Variants in COQ4 observed in about 807,000 individuals in gnomAD.
The protein encoded by COQ4 is coenzyme Q4.
In COQ4, 36 loss-of-function variants were observed where a neutral mutation model predicts 30.2. The observed-to-expected ratio is 1.19, with a 90% CI of 0.91 to 1.57. The LOEUF is 1.57. Ranked by LOEUF, COQ4 falls within the 40% of genes most tolerant of loss-of-function variation. COQ4 has a pLI of 0.00. For missense variants in COQ4, 369 were observed against 371.9 expected (o/e 0.99, Z 0.07); for synonymous variants, 197 against 161.0 (o/e 1.22, Z -1.69).
rs554912978 is a variant in COQ4, at chr9:128,332,410, C to A, written c.532+128C>A. ...CTCAATTTCTGCTTTACCTGAACATCTTAGTAGCATCTTTGCCACATGTCC... is the reference window on the plus strand; with the variant it reads ...CTCAATTTCTGCTTTACCTGAACATATTAGTAGCATCTTTGCCACATGTCC... On this transcript the variant is annotated intron_variant, in intron 5 of 6. Transcript: ENST00000300452. 22 of 990,694 alleles carry A rather than the reference C, an allele frequency of 2.2e-5. 1 individual carries two copies. The East Asian group carries it at 3.9e-4, about 18-fold the overall frequency. The allele number at this position is 990,694 out of a possible 1,614,324, so 61.4% of individuals were successfully genotyped here.
At position 128,322,887 on chromosome 9, in the gene COQ4, G is replaced by A. The variant is rs746608515; in HGVS notation, c.29G>A (p.Arg10His). ...GCGACTCTGCTGCGCCCTGTCCTCC[G>A]TCGGCTCTGCGGGCTCCCGGGCCTA... MATLLRPVL[R>H]RLCGLPGLQR... The change falls in exon 1 of 7, where the codon CGT becomes CAT. Residue 10 changes from arginine to histidine, a missense_variant. Coordinates refer to ENST00000300452, the MANE Select transcript of COQ4 (RefSeq NM_016035.5). The A allele has an allele frequency of 2.5e-6, 4 of 1,588,912 alleles. No homozygotes were observed. In the African/African-American group the frequency reaches 4.0e-5, roughly 16 times the overall value.
At position 128,333,674 on chromosome 9, in the gene COQ4, C is replaced by G. The variant is rs1832453771; in HGVS notation, c.*29C>G. The G allele has an allele frequency of 6.7e-7, 1 of 1,493,426 alleles. No homozygotes were observed. Among genetic ancestry groups the G allele is most frequent in the Non-Finnish European group, 8.9e-7 (1 of 1,126,518 alleles). The allele number at this position is 1,493,426 out of a possible 1,614,324, so 92.5% of individuals were successfully genotyped here. A position where few individuals can be genotyped will look rare whatever the true frequency, so the allele number is the denominator to read the frequency against. ...CCTGAGCCAGCGGGGCCTGGCCTAC[C>G]TCCCCCATCCCCTGCTTCCCTTGGA... On this transcript the variant is annotated 3_prime_UTR_variant, in exon 7 of 7. Transcript: ENST00000300452.
chr9:128,326,100 G>A, intron 4 of COQ4: 1 of 586,570 alleles, frequency 1.7e-6, no homozygotes, highest in Non-Finnish European at 3.0e-6. Context: ...ACCTCGCACT[G>A]CATGCCTGAT....
Position 128,333,827 on chromosome 9 carries a change from TAC to T in COQ4, c.*184_*185del, listed in dbSNP as rs1281169386. 1 of 463,974 alleles carries T rather than the reference TAC, an allele frequency of 2.2e-6. No homozygotes were observed. Among genetic ancestry groups the T allele is most frequent in the African/African-American group, 2.0e-5 (1 of 49,166 alleles). The allele number at this position is 463,974 out of a possible 1,614,324, so 28.7% of individuals were successfully genotyped here. On this transcript the variant is annotated 3_prime_UTR_variant, in exon 7 of 7. Coordinates refer to ENST00000300452, the MANE Select transcript of COQ4 (RefSeq NM_016035.5). Reference sequence around the variant, plus strand: ...GACGAACCCCGCAGGGAGCAAGCAGTACAGTGGCATTCCCAGGGGGACCAGCA... The same window carrying T: ...GACGAACCCCGCAGGGAGCAAGCAGTAGTGGCATTCCCAGGGGGACCAGCA...
intron 4 of COQ4, chr9:128,330,838 CTTTTTTTT>C (rs1301808399): frequency 8.4e-6 from 1 of 119,032 alleles, no homozygotes; most frequent in Non-Finnish European, 1.8e-5. Flanking sequence ...AATCAATTTT[CTTTTTTTT>C]TTTTTTTTTG....
intron 4 of COQ4, among the ~76,000 whole-genome samples, chr9:128,328,606 C>T (rs1419262901): frequency 6.6e-6 from 1 of 152,144 alleles, no homozygotes; most frequent in Non-Finnish European, 1.5e-5. Flanking sequence ...ACAGATGTTC[C>T]CTGGTGGGCA....
Position 128,332,208 on chromosome 9 carries a change from C to G in COQ4, c.458C>G (p.Ala153Gly). The change falls in exon 5 of 7, where the codon GCG becomes GGG. Residue 153 changes from alanine to glycine, a missense_variant. Coordinates refer to ENST00000300452, the MANE Select transcript of COQ4 (RefSeq NM_016035.5). ...CGCTTCGTGGATGATGAGGAGCTAG[C>G]GTATGTGATTCAGCGGTACCGGGAG... ...PTRFVDDEEL[A>G]YVIQRYREVH... 1 of 1,610,494 alleles carries G rather than the reference C, an allele frequency of 6.2e-7. No homozygotes were observed. The highest frequency in any genetic ancestry group is 8.5e-7 in the Non-Finnish European group (1 of 1,178,576).
intron 2 of COQ4, 38 bp downstream of exon 2, chr9:128,323,185 T>A (rs946339915): frequency 1.3e-6 from 2 of 1,540,320 alleles, no homozygotes; most frequent in Admixed American, 4.4e-5. Flanking sequence ...GGGGGCGGCT[T>A]GGAGCCGTTT....
chr9:128,323,180 C>A, intron 2 of COQ4, 33 bp downstream of exon 2: 1 of 1,545,354 alleles, frequency 6.5e-7, no homozygotes, highest in Non-Finnish European at 8.7e-7. Context: ...CCCGTGGGGG[C>A]GGCTTGGAGC....
At position 128,332,203 on chromosome 9, in the gene COQ4, G is replaced by T; in HGVS notation, c.453G>T (p.Glu151Asp). The T allele has an allele frequency of 6.2e-7, 1 of 1,608,966 alleles. No individual in the cohort carries two copies. ...CCACCCGCTTCGTGGATGATGAGGA[G>T]CTAGCGTATGTGATTCAGCGGTACC... ...RAPTRFVDDE[E>D]LAYVIQRYRE... The change falls in exon 5 of 7, where the codon GAG becomes GAT. Residue 151 changes from glutamate (E) to aspartate (D), a missense_variant. Coordinates refer to ENST00000300452, the MANE Select transcript of COQ4 (RefSeq NM_016035.5).
Position 128,333,534 on chromosome 9 carries a change from CCCAT to C in COQ4, c.688_691del (p.Pro230ValfsTer15). The C allele has an allele frequency of 6.2e-7, 1 of 1,606,690 alleles. No homozygotes were observed. Among genetic ancestry groups the C allele is most frequent in the Non-Finnish European group, 8.5e-7 (1 of 1,176,942 alleles). ...GGGCCGTTCAGAACGGGCGCAGAGC[CCCAT>C]GTGTCCTCAACCTGTACTATGAGCG... On this transcript the variant is annotated frameshift_variant, in exon 7 of 7. Coordinates refer to ENST00000300452, the MANE Select transcript of COQ4 (RefSeq NM_016035.5). LOFTEE classifies it high-confidence loss of function.
intron 4 of COQ4, chr9:128,330,734 G>C (rs1197644109): frequency 6.6e-6 from 1 of 152,032 alleles, no homozygotes; most frequent in East Asian, 1.9e-4. Context: ...CAAAGTGCTG[G>C]GATTGTAACC....
Position 128,333,687 on chromosome 9 carries a change from T to A in COQ4, c.*42T>A, listed in dbSNP as rs779617452. The A allele has an allele frequency of 6.8e-7, 1 of 1,476,228 alleles. No homozygotes were observed. Among genetic ancestry groups the A allele is most frequent in the African/African-American group, 1.4e-5 (1 of 69,872 alleles). The allele number at this position is 1,476,228 out of a possible 1,614,324, so 91.4% of individuals were successfully genotyped here. ...GGCCTGGCCTACCTCCCCCATCCCC[T>A]GCTTCCCTTGGAGGCAGAGGGCTCC... On this transcript the variant is annotated 3_prime_UTR_variant, in exon 7 of 7. Coordinates refer to ENST00000300452, the MANE Select transcript of COQ4 (RefSeq NM_016035.5).
intron 4 of COQ4, 28 bp downstream of exon 4, chr9:128,325,909 C>T: frequency 1.3e-6 from 2 of 1,576,480 alleles, no homozygotes; most frequent in Non-Finnish European, 1.7e-6. Flanking sequence ...GTGTATCTGG[C>T]AGTCACCAGA....
chr9:128,332,329 G>C, intron 5 of COQ4, 47 bp downstream of exon 5: 2 of 1,603,008 alleles, frequency 1.2e-6, no homozygotes, highest in Non-Finnish European at 1.7e-6. Context: ...GGTGGCTTCA[G>C]GGCCAGGGCA....
Position 128,331,929 on chromosome 9 carries a change from G to T in COQ4, c.403-224G>T, listed in dbSNP as rs371587271. On this transcript the variant is annotated intron_variant, in intron 4 of 6. Coordinates refer to ENST00000300452, the MANE Select transcript of COQ4 (RefSeq NM_016035.5). ...TTTTTAGTAGAGACAGGGTTTCACC[G>T]TATTGGTCAGGCTGGTGTTGAACTC... The T allele has an allele frequency of 1.8e-4, 79 of 446,092 alleles. No individual in the cohort carries two copies. The Middle Eastern group carries it at 5.5e-3, about 31-fold the overall frequency. The allele number at this position is 446,092 out of a possible 1,614,324, so 27.6% of individuals were successfully genotyped here. A position where few individuals can be genotyped will look rare whatever the true frequency, so the allele number is the denominator to read the frequency against.
intron 3 of COQ4, 69 bp downstream of exon 3, chr9:128,325,308 T>A: frequency 8.9e-7 from 1 of 1,128,852 alleles, no homozygotes; most frequent in Non-Finnish European, 1.3e-6. Flanking sequence ...AGAATCACAT[T>A]GTGTTTGTTC....
chr9:128,329,772 T>G (rs978693036), intron 4 of COQ4, among the ~76,000 whole-genome samples: 1 of 152,178 alleles, frequency 6.6e-6, no homozygotes. Context: ...TGCCGGCACC[T>G]GGTGGATACT....
chr9:128,333,095 G>C, intron 6 of COQ4, 152 bp downstream of exon 6: 1 of 689,550 alleles, frequency 1.5e-6, no homozygotes, highest in Admixed American at 2.2e-5. Flanking sequence ...GAATGGAGCA[G>C]AGATGTGAAA....
Sources: gnomAD v4.1 joint callset for allele counts (sites outside exome capture counted in the v4.1 genomes callset) on GRCh38, gnomAD v4.1.1 for gene constraint, MANE v1.5 for transcripts, NCBI Gene and HGNC (gene_info 2026-07-23, HGNC 2026-07-21) for gene names.